Variants in KDM6A observed in about 807,000 individuals in gnomAD.
KDM6A encodes the protein lysine demethylase 6A.
Under a neutral mutation model 117.6 loss-of-function variants are expected in KDM6A, and 11 were observed. That is an observed-to-expected ratio of 0.09 (90% confidence interval 0.06 to 0.15). The LOEUF is 0.15. Among genes scored for constraint, KDM6A ranks in the 10% least tolerant of loss-of-function variants. KDM6A has a pLI of 1.00. For missense variants in KDM6A, 799 were observed against 1,077.3 expected (o/e 0.74, Z 3.62); for synonymous variants, 384 against 396.1 (o/e 0.97, Z 0.36).
chrX:45,040,861 G>A (rs1442851691), intron 8 of KDM6A, among the ~76,000 whole-genome samples: 1 of 80,778 alleles, frequency 1.2e-5, no homozygotes, highest in Non-Finnish European at 2.4e-5. Context: ...GCGGCTGGCC[G>A]GGCGGGGGGC....
chrX:45,080,101 C>T (rs1240971018), intron 21 of KDM6A, among the ~76,000 whole-genome samples: 2 of 110,991 alleles, frequency 1.8e-5, no homozygotes, highest in Non-Finnish European at 3.8e-5. Flanking sequence ...TCATATACCC[C>T]CTGAAGGGCA....
intron 8 of KDM6A, among the ~76,000 whole-genome samples, chrX:45,039,554 G>C (rs1156571967): frequency 1.4e-4 from 9 of 65,818 alleles, no homozygotes; most frequent in Non-Finnish European, 1.1e-4. Flanking sequence ...GGTGTTTCTC[G>C]CAGAGGGGGA....
intron 7 of KDM6A, 57 bp downstream of exon 7, chrX:45,035,042 A>G: frequency 1.1e-6 from 1 of 894,430 alleles, no homozygotes; most frequent in African/African-American, 1.9e-5. Context: ...TTCATGGCAA[A>G]TAACAATAAT....
At chrX:44,918,734 A>G (rs891750569) in intron 2 of KDM6A, among the ~76,000 whole-genome samples, 16 of 111,816 alleles carry the variant, frequency 1.4e-4, no homozygotes, top group African/African-American at 5.2e-4. Flanking sequence ...AACTAGAATA[A>G]TTTGTAAGGA....
intron 10 of KDM6A, among the ~76,000 whole-genome samples, chrX:45,056,795 T>A (rs776891789): frequency 8.9e-6 from 1 of 111,861 alleles, no homozygotes; most frequent in Non-Finnish European, 1.9e-5. Flanking sequence ...AGGAATGGAA[T>A]GTTAAAACAT....
intron 5 of KDM6A, among the ~76,000 whole-genome samples, chrX:45,017,827 A>G (rs2042027543): frequency 2.7e-5 from 3 of 112,124 alleles, no homozygotes; most frequent in African/African-American, 9.7e-5. Flanking sequence ...AGTGAATGAA[A>G]TGATTTGATC....
rs754920881 is a variant in KDM6A at position 44,994,742 on chromosome X, C to A, written c.385-16219C>A. Among the ~76,000 whole-genome samples the A allele has an allele frequency of 1.9e-3, 209 of 111,558 alleles. 1 individual carries two copies. The highest frequency in any genetic ancestry group is 6.5e-3 in the African/African-American group (201 of 30,729). On this transcript the variant is annotated intron_variant, in intron 4 of 29. Coordinates refer to ENST00000611820, the MANE Select transcript of KDM6A (RefSeq NM_001291415.2). ...GGCAAGGGAGGGGAAAGGGTTCTTTCCCTGACACACCTGGCCCCTGCTGCT... is the reference window on the plus strand; with the variant it reads ...GGCAAGGGAGGGGAAAGGGTTCTTTACCTGACACACCTGGCCCCTGCTGCT...
intron 4 of KDM6A, among the ~76,000 whole-genome samples, chrX:45,001,699 A>G (rs1422860323): frequency 8.9e-6 from 1 of 111,792 alleles, no homozygotes; most frequent in African/African-American, 3.3e-5. Context: ...GTAATAGAAT[A>G]GATGAAAGAG....
intron 4 of KDM6A, among the ~76,000 whole-genome samples, chrX:44,992,731 A>G (rs1191224130): frequency 1.9e-5 from 2 of 106,359 alleles, no homozygotes; most frequent in Admixed American, 2.0e-4. Flanking sequence ...TTTTTTTTGT[A>G]GAGATGGGGT....
At chrX:45,060,245 G>A (rs1445639480) in intron 13 of KDM6A, 89 bp downstream of exon 13, 4 of 1,158,584 alleles carry the variant, frequency 3.5e-6, no homozygotes, top group Non-Finnish European at 4.7e-6. Flanking sequence ...CTAAGCACAG[G>A]AGGCTTTTAG....
Position 45,042,268 on chromosome X carries a change from GA to G in KDM6A, c.654+4580del, listed in dbSNP as rs1177973174. On this transcript the variant is annotated intron_variant, in intron 8 of 29. Transcript: ENST00000611820. ...AAGGAGACCGTGGAGGGAGAGGGGA[GA>G]GGGGAGAGGGGAGAGGGGAGAGGGG... 4.0e-3 allele frequency among the ~76,000 whole-genome samples: 85 copies of G among 21,510 alleles called. 2 individuals are homozygous for G. Among genetic ancestry groups the G allele is most frequent in the African/African-American group, 0.029 (54 of 1,859 alleles). The allele number at this position is 21,510 out of a possible 115,157, so 18.7% of individuals were successfully genotyped here. A position where few individuals can be genotyped will look rare whatever the true frequency, so the allele number is the denominator to read the frequency against.
chrX:44,973,674 T>A (rs1421780260), intron 3 of KDM6A, among the ~76,000 whole-genome samples: 2 of 111,643 alleles, frequency 1.8e-5, no homozygotes, highest in Non-Finnish European at 3.8e-5. Flanking sequence ...CTGAATTTTC[T>A]TTTTTCCTTT....
chrX:45,097,857 A>G (rs1004629471), intron 27 of KDM6A, among the ~76,000 whole-genome samples: 3 of 112,067 alleles, frequency 2.7e-5, no homozygotes, highest in Middle Eastern at 4.6e-3. Flanking sequence ...CATTTTGCTA[A>G]AATACATTAA....
chrX:44,940,205 A>G (rs2037212474), intron 2 of KDM6A, among the ~76,000 whole-genome samples: 1 of 110,642 alleles, frequency 9.0e-6, no homozygotes, highest in African/African-American at 3.3e-5. Context: ...GGTGTGCACT[A>G]CCATGCCCGG....
At chrX:45,003,394 C>CTTTTT (rs397896934) in intron 4 of KDM6A, among the ~76,000 whole-genome samples, 3 of 75,506 alleles carry the variant, frequency 4.0e-5, no homozygotes, top group Non-Finnish European at 5.1e-5. Context: ...AATTATCCTT[C>CTTTTT]TTTTTTTTTT....
chrX:45,045,984 C>T (rs2043519335), intron 8 of KDM6A, among the ~76,000 whole-genome samples: 2 of 111,333 alleles, frequency 1.8e-5, no homozygotes, highest in Admixed American at 1.9e-4. Context: ...ACATCCGAAC[C>T]TAATAAAAGA....
At chrX:44,975,623 T>A (rs938921107) in intron 4 of KDM6A, among the ~76,000 whole-genome samples, 1 of 112,279 alleles carries the variant, frequency 8.9e-6, no homozygotes, top group Non-Finnish European at 1.9e-5. Flanking sequence ...ATTATAGCTT[T>A]ATTCACATGC....
chrX:45,067,653 G>GTTT (rs1192862756), intron 17 of KDM6A, among the ~76,000 whole-genome samples: 8 of 83,289 alleles, frequency 9.6e-5, no homozygotes, highest in Middle Eastern at 5.8e-3. Context: ...TCTTTTTTTT[G>GTTT]TTTTTTTTTT....
chrX:45,090,952 C>A (rs2045869380), intron 27 of KDM6A, 88 bp downstream of exon 27: 1 of 935,752 alleles, frequency 1.1e-6, no homozygotes, highest in Non-Finnish European at 1.5e-6. Context: ...ATTACGTTGA[C>A]ATCAAAGCAA....
Sources: gnomAD v4.1 joint callset for allele counts (sites outside exome capture counted in the v4.1 genomes callset) on GRCh38, gnomAD v4.1.1 for gene constraint, MANE v1.5 for transcripts, NCBI Gene and HGNC (gene_info 2026-07-23, HGNC 2026-07-21) for gene names.